PPP4R2: variants seen among roughly 807,000 people sequenced by gnomAD.
PPP4R2 encodes serine/threonine-protein phosphatase 4 regulatory subunit 2.
Under a neutral mutation model 47.2 loss-of-function variants are expected in PPP4R2, and 13 were observed. That is an observed-to-expected ratio of 0.28 (90% CI 0.18 to 0.44). The LOEUF (loss-of-function observed/expected upper bound fraction) is 0.44, where lower values mean the gene tolerates loss of function less well. PPP4R2 is among the 20% of genes least tolerant of loss of function. The pLI is 1.00. For missense variants in PPP4R2, 421 were observed against 491.2 expected (o/e 0.86, Z 1.35); for synonymous variants, 151 against 163.3 (o/e 0.92, Z 0.57).
chr3:73,000,634 A>G (rs543511451), intron 2 of PPP4R2, among the ~76,000 whole-genome samples: 15 of 152,342 alleles, frequency 9.8e-5, no homozygotes, highest in African/African-American at 3.4e-4. Flanking sequence ...CATCTGATGT[A>G]GGAAGTTAGG....
In PPP4R2 at chr3:73,063,661, C is replaced by A. The variant is rs746543967; in HGVS notation, c.420-12C>A. Reference sequence around the variant, plus strand: ...ATTAAGTCATCCACAAGTGTATTTTCTTTTCTTATAGGAAAAACAATTCCA... The same window carrying A: ...ATTAAGTCATCCACAAGTGTATTTTATTTTCTTATAGGAAAAACAATTCCA... On this transcript the variant is annotated splice_polypyrimidine_tract_variant and intron_variant, in intron 5 of 8. Coordinates refer to ENST00000356692, the MANE Select transcript of PPP4R2 (RefSeq NM_174907.4). The A allele has an allele frequency of 6.6e-7, 1 of 1,516,326 alleles. No homozygotes were observed. Among genetic ancestry groups the A allele is most frequent in the South Asian group, 1.1e-5 (1 of 88,502 alleles). The allele number at this position is 1,516,326 out of a possible 1,614,324, so 93.9% of individuals were successfully genotyped here. A position where few individuals can be genotyped will look rare whatever the true frequency, so the allele number is the denominator to read the frequency against.
chr3:73,020,396 T>C (rs1205227583), intron 2 of PPP4R2, among the ~76,000 whole-genome samples: 1 of 152,112 alleles, frequency 6.6e-6, no homozygotes, highest in African/African-American at 2.4e-5. Context: ...GGTGGGTGGC[T>C]CACGCCTGTA....
At chr3:73,054,616 T>C (rs967620929) in intron 3 of PPP4R2, among the ~76,000 whole-genome samples, 2 of 151,694 alleles carry the variant, frequency 1.3e-5, no homozygotes, top group African/African-American at 4.8e-5. Context: ...TGTTTTGACT[T>C]TTTTTTTAGT....
At chr3:73,007,370 C>CT (rs1701630731) in intron 2 of PPP4R2, among the ~76,000 whole-genome samples, 1 of 152,144 alleles carries the variant, frequency 6.6e-6, no homozygotes, top group African/African-American at 2.4e-5. Context: ...TTATCGACAA[C>CT]TAAGACCCGC....
intron 1 of PPP4R2, 55 bp from the exon 2 acceptor site, chr3:72,998,022 T>C (rs528907016): frequency 7.6e-7 from 1 of 1,309,408 alleles, no homozygotes; most frequent in African/African-American, 1.5e-5. Context: ...GGAAAGTTTG[T>C]TTTTAGAGCG....
At chr3:73,024,767 T>C (rs1702028790) in intron 2 of PPP4R2, among the ~76,000 whole-genome samples, 1 of 152,202 alleles carries the variant, frequency 6.6e-6, no homozygotes. Context: ...CTTGGCTTTT[T>C]GAAAGCATCA....
chr3:73,057,215 A>T (rs529246150), intron 3 of PPP4R2, among the ~76,000 whole-genome samples: 9 of 152,244 alleles, frequency 5.9e-5, no homozygotes, highest in African/African-American at 1.9e-4. Flanking sequence ...ACATGTGGAA[A>T]ATGCTTAAAC....
At chr3:73,030,864 G>C (rs1702153581) in intron 2 of PPP4R2, among the ~76,000 whole-genome samples, 1 of 151,886 alleles carries the variant, frequency 6.6e-6, no homozygotes, top group Non-Finnish European at 1.5e-5. Context: ...ACCATGCCTG[G>C]CTAATTTTTG....
intron 3 of PPP4R2, among the ~76,000 whole-genome samples, chr3:73,049,392 G>A (rs1005196067): frequency 6.6e-6 from 1 of 152,034 alleles, no homozygotes; most frequent in Non-Finnish European, 1.5e-5. Flanking sequence ...CCAGCTACTC[G>A]GGAGACTGAG....
chr3:73,056,103 G>T (rs1177717718), intron 3 of PPP4R2, among the ~76,000 whole-genome samples: 2 of 152,180 alleles, frequency 1.3e-5, no homozygotes, highest in Non-Finnish European at 2.9e-5. Flanking sequence ...AAACTATTTT[G>T]TATGCTATGT....
At chr3:73,020,018 T>TATG (rs1183068096) in intron 2 of PPP4R2, among the ~76,000 whole-genome samples, 1 of 152,212 alleles carries the variant, frequency 6.6e-6, no homozygotes, top group Non-Finnish European at 1.5e-5. Flanking sequence ...GCATCATATG[T>TATG]CACGATTTCT....
At chr3:72,998,031 C>A in intron 1 of PPP4R2, 46 bp from the exon 2 acceptor site, 1 of 1,348,620 alleles carries the variant, frequency 7.4e-7, no homozygotes, top group Non-Finnish European at 1.1e-6. Flanking sequence ...GTTTTTAGAG[C>A]GCTTTTGAGA....
intron 6 of PPP4R2, 84 bp from the exon 7 acceptor site, chr3:73,063,919 T>G: frequency 2.3e-6 from 3 of 1,299,626 alleles, no homozygotes; most frequent in South Asian, 2.7e-5. Flanking sequence ...AGCAAATACT[T>G]CTGTGATGTA....
intron 2 of PPP4R2, among the ~76,000 whole-genome samples, chr3:73,024,803 A>C (rs1467102499): frequency 6.6e-6 from 1 of 152,224 alleles, no homozygotes; most frequent in African/African-American, 2.4e-5. Context: ...TTTTGCTTCC[A>C]AGCAGCACAA....
At chr3:73,002,629 CTTTTCTTTTTTTT>C (rs1367383634) in intron 2 of PPP4R2, among the ~76,000 whole-genome samples, 20 of 83,010 alleles carry the variant, frequency 2.4e-4, no homozygotes, top group Non-Finnish European at 3.1e-4. Flanking sequence ...CTTTTCTTTT[CTTTTCTTTTTTTT>C]TTTTTTTTTT....
At chr3:73,031,557 AAAAG>A (rs1011741268) in intron 2 of PPP4R2, among the ~76,000 whole-genome samples, 12 of 152,026 alleles carry the variant, frequency 7.9e-5, no homozygotes, top group South Asian at 4.2e-4. Context: ...AGAAAAGAAA[AAAAG>A]AAAGAAATAT....
At chr3:73,025,433 C>T (rs1487534208) in intron 2 of PPP4R2, among the ~76,000 whole-genome samples, 3 of 152,008 alleles carry the variant, frequency 2.0e-5, no homozygotes, top group Non-Finnish European at 4.4e-5. Flanking sequence ...TTTCTTGATA[C>T]TGTAGCTTCT....
chr3:73,059,520 G>A (rs910150816), intron 4 of PPP4R2, among the ~76,000 whole-genome samples: 1 of 152,116 alleles, frequency 6.6e-6, no homozygotes, highest in Non-Finnish European at 1.5e-5. Flanking sequence ...AAACTTACTG[G>A]TGCCAAGCAT....
At chr3:73,011,029 G>C (rs902149477) in intron 2 of PPP4R2, among the ~76,000 whole-genome samples, 2 of 143,606 alleles carry the variant, frequency 1.4e-5, no homozygotes, top group African/African-American at 5.2e-5. Flanking sequence ...GTACAGCTAA[G>C]TAATGGAACT....
Sources: allele counts gnomAD v4.1 joint callset (sites outside exome capture counted in the v4.1 genomes callset), GRCh38; gene constraint gnomAD v4.1.1; transcripts MANE v1.5; gene names NCBI Gene and HGNC (gene_info 2026-07-23, HGNC 2026-07-21).